KHDRBS2: variants seen among roughly 807,000 people sequenced by gnomAD.
KHDRBS2 encodes the protein KH RNA binding domain containing, signal transduction associated 2, also known as KH domain-containing, RNA-binding, signal transduction-associated protein 2.
Under a neutral mutation model 44.3 loss-of-function variants are expected in KHDRBS2, and 26 were observed. That is an observed-to-expected ratio of 0.59 (90% CI 0.43 to 0.81). KHDRBS2 has a LOEUF of 0.81. KHDRBS2 is among the 40% of genes least tolerant of loss of function. The pLI, the probability that KHDRBS2 is intolerant of heterozygous loss-of-function variation, is 0.00. For synonymous variants in KHDRBS2, 194 were observed against 151.1 expected (o/e 1.28, Z -2.08); for missense variants, 476 against 433.1 (o/e 1.10, Z -0.88).
chr6:62,039,438 T>C (rs1786006536), intron 3 of KHDRBS2, among the ~76,000 whole-genome samples: 1 of 151,922 alleles, frequency 6.6e-6, no homozygotes, highest in African/African-American at 2.4e-5. Flanking sequence ...CTAAATAATA[T>C]GTATGTGGTA....
At chr6:61,834,877 C>T (rs557082331) in intron 6 of KHDRBS2, among the ~76,000 whole-genome samples, 38 of 152,018 alleles carry the variant, frequency 2.5e-4, no homozygotes, top group Non-Finnish European at 1.8e-4. Context: ...AATTTGGTGT[C>T]GTAAATTTCT....
chr6:61,579,245 C>G, the KHDRBS2 span, among the ~76,000 whole-genome samples: 1 of 152,164 alleles, frequency 6.6e-6, no homozygotes, highest in Non-Finnish European at 1.5e-5. Flanking sequence ...GGCTAAACTT[C>G]TCTTCGGTAA....
rs398001756 is a variant in KHDRBS2 at position 62,059,198 on chromosome 6, G to GTTTTTTTTTTTTTTTTTTTTTTTTT, written c.220-11229_220-11205dup. The stretch of plus-strand genomic sequence containing the variant: ...TATTTCCACATAGAAAAGTTAGGAA[G>GTTTTTTTTTTTTTTTTTTTTTTTTT]TTTTTTTTTTTTTTTTTTTTTTTTT... On this transcript the variant is annotated intron_variant, in intron 2 of 8. Coordinates refer to ENST00000281156, the MANE Select transcript of KHDRBS2 (RefSeq NM_152688.4). Among the ~76,000 whole-genome samples the GTTTTTTTTTTTTTTTTTTTTTTTTT allele has an allele frequency of 1.3e-3, 32 of 24,886 alleles. 12 individuals are homozygous for GTTTTTTTTTTTTTTTTTTTTTTTTT. Among genetic ancestry groups the GTTTTTTTTTTTTTTTTTTTTTTTTT allele is most frequent in the Non-Finnish European group, 1.6e-3 (20 of 12,206 alleles). 16.3% of individuals were successfully genotyped at this position (24,886 alleles called of 152,430 possible). A position where few individuals can be genotyped will look rare whatever the true frequency, so the allele number is the denominator to read the frequency against.
chr6:61,844,664 A>G (rs1046931798), intron 6 of KHDRBS2, among the ~76,000 whole-genome samples: 8 of 152,316 alleles, frequency 5.3e-5, no homozygotes, highest in African/African-American at 1.9e-4. Flanking sequence ...GGCACAAAGT[A>G]GAAATTCAAT....
chr6:61,556,708 T>C, the KHDRBS2 span, among the ~76,000 whole-genome samples: 3 of 152,108 alleles, frequency 2.0e-5, no homozygotes, highest in African/African-American at 7.2e-5. Flanking sequence ...GTGTTTTTCT[T>C]CAAGATGTTC....
At chr6:61,683,168 G>GA (rs906252340) in intron 8 of KHDRBS2, among the ~76,000 whole-genome samples, 1 of 151,786 alleles carries the variant, frequency 6.6e-6, no homozygotes, top group African/African-American at 2.4e-5. Flanking sequence ...GAATGTTCCT[G>GA]AAAAACAGCT....
At chr6:61,933,809 A>G (rs1306013938) in intron 4 of KHDRBS2, among the ~76,000 whole-genome samples, 1 of 152,202 alleles carries the variant, frequency 6.6e-6, no homozygotes, top group East Asian at 1.9e-4. Flanking sequence ...ATATTGCCAT[A>G]TAACCAATAA....
intron 8 of KHDRBS2, among the ~76,000 whole-genome samples, chr6:61,685,566 C>G (rs912114370): frequency 3.3e-5 from 5 of 151,726 alleles, no homozygotes; most frequent in Non-Finnish European, 4.4e-5. Context: ...TTAACTTAGG[C>G]TGCTATTTTA....
intron 1 of KHDRBS2, among the ~76,000 whole-genome samples, chr6:62,259,635 C>A (rs1378116389): frequency 6.6e-6 from 1 of 151,812 alleles, no homozygotes. Context: ...GAAAACATTT[C>A]TCGATTGAAA....
chr6:62,067,919 A>G (rs955214515), intron 2 of KHDRBS2, among the ~76,000 whole-genome samples: 15 of 151,562 alleles, frequency 9.9e-5, no homozygotes, highest in Non-Finnish European at 2.1e-4. Flanking sequence ...AAAATATTCA[A>G]TTATGTGGAT....
At chr6:61,925,812 T>C (rs1409323243) in intron 4 of KHDRBS2, among the ~76,000 whole-genome samples, 1 of 152,036 alleles carries the variant, frequency 6.6e-6, no homozygotes, top group East Asian at 1.9e-4. Context: ...TACATAGAAC[T>C]TTTATTGAAG....
intron 6 of KHDRBS2, among the ~76,000 whole-genome samples, chr6:61,889,509 C>T (rs376065913): frequency 6.9e-6 from 1 of 145,126 alleles, no homozygotes; most frequent in Non-Finnish European, 1.5e-5. Flanking sequence ...CACACATCCA[C>T]GTATTTTCCA....
intron 1 of KHDRBS2, among the ~76,000 whole-genome samples, chr6:62,229,606 G>A (rs1563100249): frequency 6.6e-6 from 1 of 152,208 alleles, no homozygotes; most frequent in Non-Finnish European, 1.5e-5. Flanking sequence ...GCAGCTCCAT[G>A]GTTGGGAGCC....
At chr6:61,667,926 AAATT>A in the KHDRBS2 span, among the ~76,000 whole-genome samples, 4 of 151,214 alleles carry the variant, frequency 2.6e-5, no homozygotes, top group African/African-American at 4.8e-5. Context: ...AATCCTGAGA[AAATT>A]AGTGGTTATC....
intron 6 of KHDRBS2, among the ~76,000 whole-genome samples, chr6:61,845,429 C>G (rs560224616): frequency 6.6e-6 from 1 of 152,004 alleles, no homozygotes; most frequent in South Asian, 2.1e-4. Context: ...CCTGCCTCAG[C>G]CTCCCGAGTA....
chr6:62,007,994 T>C (rs1484230047), intron 3 of KHDRBS2, among the ~76,000 whole-genome samples: 2 of 152,098 alleles, frequency 1.3e-5, no homozygotes, highest in Non-Finnish European at 1.5e-5. Context: ...AAAAATGATA[T>C]ACAAAATGAA....
intron 3 of KHDRBS2, among the ~76,000 whole-genome samples, chr6:62,019,229 A>C (rs1176459561): frequency 6.6e-6 from 1 of 152,078 alleles, no homozygotes; most frequent in Non-Finnish European, 1.5e-5. Context: ...AGTACTAATA[A>C]AATTAAGTAT....
At chr6:62,027,521 T>C (rs147335555) in intron 3 of KHDRBS2, among the ~76,000 whole-genome samples, 1 of 152,176 alleles carries the variant, frequency 6.6e-6, no homozygotes, top group African/African-American at 2.4e-5. Flanking sequence ...GTTAATGAGG[T>C]GACTTTTGGA....
intron 6 of KHDRBS2, among the ~76,000 whole-genome samples, chr6:61,848,515 ATATG>A (rs1168725239): frequency 9.0e-5 from 4 of 44,522 alleles, no homozygotes; most frequent in African/African-American, 2.6e-4. Flanking sequence ...ATATATGTAT[ATATG>A]TATATATATA....
Sources: gnomAD v4.1 joint callset for allele counts (sites outside exome capture counted in the v4.1 genomes callset) on GRCh38, gnomAD v4.1.1 for gene constraint, MANE v1.5 for transcripts, NCBI Gene and HGNC (gene_info 2026-07-23, HGNC 2026-07-21) for gene names.